CLSTN2: variants seen among roughly 807,000 people sequenced by gnomAD.
The protein encoded by CLSTN2 is calsyntenin 2.
In CLSTN2, 48 loss-of-function variants were observed where a neutral mutation model predicts 101.2. The ratio of observed to expected loss-of-function variants is 0.47; its 90% CI spans 0.38 to 0.60. The LOEUF (loss-of-function observed/expected upper bound fraction) is 0.60, where lower values mean the gene tolerates loss of function less well. Ranked by LOEUF, CLSTN2 falls within the 20% of genes least tolerant of loss-of-function variation. The pLI is 0.00. For synonymous variants in CLSTN2, 481 were observed against 463.6 expected (o/e 1.04, Z -0.48); for missense variants, 1,160 against 1,238.2 (o/e 0.94, Z 0.95).
At chr3:140,306,541 G>T (rs1388482861) in intron 2 of CLSTN2, among the ~76,000 whole-genome samples, 1 of 152,184 alleles carries the variant, frequency 6.6e-6, no homozygotes, top group Non-Finnish European at 1.5e-5. Context: ...CTCCTGATCT[G>T]CAGGACTTGA....
chr3:140,390,333 T>G (rs2088099381), intron 2 of CLSTN2, among the ~76,000 whole-genome samples: 1 of 152,164 alleles, frequency 6.6e-6, no homozygotes, highest in Admixed American at 6.5e-5. Flanking sequence ...CTAATTATTT[T>G]TTCATTTTTC....
chr3:140,115,773 A>G (rs543849598), intron 1 of CLSTN2, among the ~76,000 whole-genome samples: 1 of 152,332 alleles, frequency 6.6e-6, no homozygotes, highest in East Asian at 1.9e-4. Context: ...AAACGTCCCC[A>G]TCCTATTGTT....
intron 5 of CLSTN2, among the ~76,000 whole-genome samples, chr3:140,440,147 A>G (rs1387093723): frequency 1.3e-5 from 2 of 152,096 alleles, no homozygotes; most frequent in Non-Finnish European, 2.9e-5. Context: ...TTACAAAGTC[A>G]CCTGTGAGGT....
At chr3:140,048,365 C>A (rs16849751) in intron 1 of CLSTN2, among the ~76,000 whole-genome samples, 2,228 of 152,254 alleles carry the variant, frequency 0.015, 53 homozygotes, top group African/African-American at 0.05. Context: ...TGGCACTAAC[C>A]AACAACTGGT....
intron 2 of CLSTN2, among the ~76,000 whole-genome samples, chr3:140,281,767 A>AGC (rs1559827916): frequency 4.2e-4 from 1 of 2,388 alleles, no homozygotes; most frequent in African/African-American, 4.8e-4. Flanking sequence ...AGAGAGCGAG[A>AGC]GAGAGAGAGA....
intron 2 of CLSTN2, among the ~76,000 whole-genome samples, chr3:140,206,445 A>G (rs1342845822): frequency 6.6e-6 from 1 of 152,230 alleles, no homozygotes; most frequent in Non-Finnish European, 1.5e-5. Flanking sequence ...GAACCTATCA[A>G]GGAATCACAG....
chr3:140,182,499 G>A (rs1255047354), intron 2 of CLSTN2, among the ~76,000 whole-genome samples: 4 of 152,094 alleles, frequency 2.6e-5, no homozygotes, highest in African/African-American at 7.2e-5. Context: ...CTCTGAGCTC[G>A]GACCTCGCAG....
chr3:140,002,088 G>A (rs1415152333), intron 1 of CLSTN2, among the ~76,000 whole-genome samples: 1 of 152,126 alleles, frequency 6.6e-6, no homozygotes, highest in East Asian at 1.9e-4. Flanking sequence ...AAACTTGGGA[G>A]TGCAGTGGGA....
At chr3:140,001,281 C>T (rs2006831229) in intron 1 of CLSTN2, among the ~76,000 whole-genome samples, 2 of 152,140 alleles carry the variant, frequency 1.3e-5, no homozygotes, top group South Asian at 4.1e-4. Flanking sequence ...CCTTTTTTCT[C>T]TCTCCACTTT....
chr3:140,153,003 A>G (rs2009891062), intron 1 of CLSTN2, among the ~76,000 whole-genome samples: 1 of 152,134 alleles, frequency 6.6e-6, no homozygotes, highest in Non-Finnish European at 1.5e-5. Flanking sequence ...TTGGCTGTGG[A>G]GCTTGGGTGC....
chr3:139,951,543 C>A (rs1025196786), intron 1 of CLSTN2, among the ~76,000 whole-genome samples: 1 of 152,168 alleles, frequency 6.6e-6, no homozygotes, highest in African/African-American at 2.4e-5. Flanking sequence ...TTTCCCATTG[C>A]CTGCTTCTCT....
intron 7 of CLSTN2, chr3:140,462,952 C>T (rs964689857): frequency 3.3e-5 from 5 of 152,246 alleles, no homozygotes; most frequent in Non-Finnish European, 7.3e-5. Flanking sequence ...GTCACATTGC[C>T]CCACCTACCC....
At chr3:140,175,889 C>A in intron 1 of CLSTN2, 62 bp from the exon 2 acceptor site, 6 of 1,454,910 alleles carry the variant, frequency 4.1e-6, no homozygotes, top group Non-Finnish European at 5.7e-6. Context: ...CTTAATAATA[C>A]ATTATTATGG....
intron 1 of CLSTN2, among the ~76,000 whole-genome samples, chr3:140,025,751 T>C (rs1247471332): frequency 6.6e-6 from 1 of 152,230 alleles, no homozygotes; most frequent in East Asian, 1.9e-4. Context: ...ATATCTGTTT[T>C]GCTGAGTGTA....
intron 1 of CLSTN2, among the ~76,000 whole-genome samples, chr3:140,172,401 T>C (rs181131538): frequency 5.9e-5 from 9 of 152,088 alleles, no homozygotes; most frequent in Non-Finnish European, 8.8e-5. Flanking sequence ...TAGGAGTGGG[T>C]TGGGCTAGAA....
At chr3:139,987,423 C>T (rs1936044123) in intron 1 of CLSTN2, among the ~76,000 whole-genome samples, 1 of 152,156 alleles carries the variant, frequency 6.6e-6, no homozygotes, top group Non-Finnish European at 1.5e-5. Flanking sequence ...CAAACAGAGC[C>T]ACTGAAAATA....
intron 4 of CLSTN2, among the ~76,000 whole-genome samples, chr3:140,408,047 T>A (rs2088324098): frequency 6.6e-6 from 1 of 152,088 alleles, no homozygotes; most frequent in Admixed American, 6.5e-5. Flanking sequence ...AGAAAATAGC[T>A]GTAGGAGAGC....
intron 2 of CLSTN2, among the ~76,000 whole-genome samples, chr3:140,309,387 G>C (rs1033903154): frequency 7.9e-5 from 12 of 152,170 alleles, no homozygotes; most frequent in African/African-American, 2.9e-4. Flanking sequence ...ATGGTCCCAG[G>C]TAAGGCTGGT....
chr3:140,348,870 C>T (rs2087578634), intron 2 of CLSTN2, among the ~76,000 whole-genome samples: 1 of 152,220 alleles, frequency 6.6e-6, no homozygotes, highest in Admixed American at 6.5e-5. Flanking sequence ...CAGTCTCTCC[C>T]CTGTTCTCCC....
Sources: gnomAD v4.1 joint callset for allele counts (sites outside exome capture counted in the v4.1 genomes callset) on GRCh38, gnomAD v4.1.1 for gene constraint, MANE v1.5 for transcripts, NCBI Gene and HGNC (gene_info 2026-07-23, HGNC 2026-07-21) for gene names.